The following NTM variants were observed in gnomAD, a reference collection of about 807,000 sequenced individuals.
NTM encodes neurotrimin.
A neutral mutation model predicts 42.1 loss-of-function variants in NTM; 13 were observed. That is an observed-to-expected ratio of 0.31 (90% CI 0.20 to 0.49). The LOEUF (loss-of-function observed/expected upper bound fraction) is 0.49. Among genes scored for constraint, NTM ranks in the 20% least tolerant of loss-of-function variants. NTM has a pLI of 0.99. For synonymous variants in NTM, 187 were observed against 179.2 expected (o/e 1.04, Z -0.35); for missense variants, 373 against 452.8 (o/e 0.82, Z 1.60).
At chr11:131,819,222 T>A (rs187708694) in intron 1 of NTM, among the ~76,000 whole-genome samples, 58 of 152,244 alleles carry the variant, frequency 3.8e-4, no homozygotes, top group African/African-American at 1.4e-3. Flanking sequence ...GGGGAGACCT[T>A]GTAGTTCAAA....
chr11:132,087,888 T>C lies in NTM; in HGVS notation c.168-58394T>C, dbSNP rs370930092. Among the ~76,000 whole-genome samples, 692 of 152,354 alleles carry C rather than the reference T, an allele frequency of 4.5e-3. 2 individuals carry two copies. The highest frequency in any genetic ancestry group is 0.014 in the African/African-American group (584 of 41,584). On this transcript the variant is annotated intron_variant, in intron 2 of 8. Coordinates refer to ENST00000683400, the MANE Select transcript of NTM (RefSeq NM_001352005.2). ...AGGGGAAGAGAAGACTCTGTGGATG[T>C]GGATGCATAGTGGGAAATGCTGGCC...
chr11:131,977,346 T>G (rs2064556836), intron 2 of NTM, among the ~76,000 whole-genome samples: 1 of 152,236 alleles, frequency 6.6e-6, no homozygotes, highest in Non-Finnish European at 1.5e-5. Flanking sequence ...GCTCTTCCTA[T>G]TGTGAAAACA....
chr11:131,422,935 C>T (rs1270769352), intron 1 of NTM, among the ~76,000 whole-genome samples: 1 of 152,198 alleles, frequency 6.6e-6, no homozygotes, highest in African/African-American at 2.4e-5. Context: ...ATGAAGTAGT[C>T]TGCAAACAGA....
chr11:131,796,152 AAATATCG>A, intron 1 of NTM: 1 of 985,382 alleles, frequency 1.0e-6, no homozygotes, highest in Non-Finnish European at 1.2e-6. Context: ...GGGCAAAATG[AAATATCG>A]AAGCCCTCCT....
At chr11:131,882,545 T>G (rs1304159184) in intron 1 of NTM, among the ~76,000 whole-genome samples, 1 of 152,230 alleles carries the variant, frequency 6.6e-6, no homozygotes, top group Non-Finnish European at 1.5e-5. Flanking sequence ...CACATAAAAT[T>G]AACCGTCACA....
intron 1 of NTM, among the ~76,000 whole-genome samples, chr11:131,563,080 C>T (rs1447281749): frequency 6.6e-6 from 1 of 152,182 alleles, no homozygotes; most frequent in Admixed American, 6.5e-5. Context: ...ACTTTCACCT[C>T]CTTGAGACTC....
intron 3 of NTM, among the ~76,000 whole-genome samples, chr11:132,178,954 A>T (rs891461682): frequency 6.6e-6 from 1 of 152,240 alleles, no homozygotes; most frequent in Non-Finnish European, 1.5e-5. Flanking sequence ...TATTCAGTTC[A>T]AACAATTACA....
chr11:131,453,313 T>A (rs1950619042), intron 1 of NTM, among the ~76,000 whole-genome samples: 1 of 152,170 alleles, frequency 6.6e-6, no homozygotes, highest in Admixed American at 6.5e-5. Flanking sequence ...TCCCCGTATG[T>A]GCCTTCAAAG....
At chr11:132,075,462 T>C (rs572707613) in intron 2 of NTM, among the ~76,000 whole-genome samples, 6 of 152,168 alleles carry the variant, frequency 3.9e-5, no homozygotes, top group African/African-American at 1.4e-4. Context: ...TATTCCAAGA[T>C]GGGATTCCAA....
At chr11:131,440,207 T>G (rs12289924) in intron 1 of NTM, among the ~76,000 whole-genome samples, 36,672 of 151,988 alleles carry the variant, frequency 0.24, 4,721 homozygotes, top group Middle Eastern at 0.31. Flanking sequence ...AACCTATAAC[T>G]TCTTTTAATT....
chr11:132,172,427 G>A (rs968649860), intron 3 of NTM, among the ~76,000 whole-genome samples: 1 of 152,180 alleles, frequency 6.6e-6, no homozygotes, highest in African/African-American at 2.4e-5. Flanking sequence ...GAAATGGTCT[G>A]AAAATGTGTT....
intron 1 of NTM, among the ~76,000 whole-genome samples, chr11:131,633,300 A>G (rs2063849308): frequency 6.6e-6 from 1 of 151,992 alleles, no homozygotes. Flanking sequence ...TTTTTCACAT[A>G]TTTTACCCAT....
intron 1 of NTM, among the ~76,000 whole-genome samples, chr11:131,593,351 G>A (rs568269938): frequency 6.6e-6 from 1 of 152,170 alleles, no homozygotes; most frequent in Non-Finnish European, 1.5e-5. Flanking sequence ...CAATTGCCTG[G>A]CTTAGCTCTC....
chr11:131,761,673 G>T (rs1194108737), intron 1 of NTM, among the ~76,000 whole-genome samples: 1 of 152,046 alleles, frequency 6.6e-6, no homozygotes, highest in Non-Finnish European at 1.5e-5. Context: ...GCCAGGCGTG[G>T]TGGCGCATCC....
chr11:131,568,730 C>A (rs907093437), intron 1 of NTM, among the ~76,000 whole-genome samples: 1 of 152,132 alleles, frequency 6.6e-6, no homozygotes, highest in African/African-American at 2.4e-5. Context: ...CTCATTCCAC[C>A]ACGGCCAGTT....
intron 4 of NTM, among the ~76,000 whole-genome samples, chr11:132,246,284 C>T (rs2091139295): frequency 6.6e-6 from 1 of 152,336 alleles, no homozygotes; most frequent in Non-Finnish European, 1.5e-5. Context: ...TGTGCGCGTG[C>T]GTGTGTGTCT....
At chr11:132,267,673 G>A (rs562377631) in intron 4 of NTM, among the ~76,000 whole-genome samples, 2 of 151,830 alleles carry the variant, frequency 1.3e-5, no homozygotes, top group East Asian at 3.9e-4. Context: ...AAAATTATCC[G>A]GGCATGGTGG....
chr11:131,933,234 C>T (rs540051282), intron 2 of NTM, among the ~76,000 whole-genome samples: 2 of 152,302 alleles, frequency 1.3e-5, no homozygotes, highest in South Asian at 2.1e-4. Flanking sequence ...TCAGGGAGTG[C>T]GTGGGGCCCT....
intron 2 of NTM, among the ~76,000 whole-genome samples, chr11:131,989,677 A>G (rs1393890534): frequency 6.7e-6 from 1 of 149,360 alleles, no homozygotes; most frequent in African/African-American, 2.4e-5. Context: ...AGTAGCTTAC[A>G]ACAAAGGTGA....
Sources: allele counts gnomAD v4.1 joint callset (sites outside exome capture counted in the v4.1 genomes callset), GRCh38; gene constraint gnomAD v4.1.1; transcripts MANE v1.5; gene names NCBI Gene and HGNC (gene_info 2026-07-23, HGNC 2026-07-21).